Variants in FBXL7 observed in about 807,000 individuals in gnomAD.
FBXL7 encodes F-box and leucine rich repeat protein 7.
FBXL7 carries 12 observed loss-of-function variants against 38.3 expected under a neutral mutation model. The ratio of observed to expected loss-of-function variants is 0.31; its 90% CI spans 0.20 to 0.51. FBXL7 has a LOEUF of 0.51. Ranked by LOEUF, FBXL7 falls within the 20% of genes least tolerant of loss-of-function variation. The probability of loss-of-function intolerance (pLI) is 0.98; values close to 1 mark genes in which losing one functional copy is unlikely to be tolerated. For synonymous variants in FBXL7, 297 were observed against 300.9 expected, an observed-to-expected ratio of 0.99 and a Z score of 0.13; for missense variants, 567 against 676.4, an observed-to-expected ratio of 0.84 and a Z score of 1.79.
chr5:15,843,889 T>C (rs1046186891), intron 2 of FBXL7, among the ~76,000 whole-genome samples: 1 of 151,060 alleles, frequency 6.6e-6, no homozygotes, highest in Non-Finnish European at 1.5e-5. Flanking sequence ...CATATAAAGC[T>C]ATATATTTAG....
At chr5:15,841,812 C>T (rs1738753140) in intron 2 of FBXL7, among the ~76,000 whole-genome samples, 1 of 152,178 alleles carries the variant, frequency 6.6e-6, no homozygotes, top group Non-Finnish European at 1.5e-5. Flanking sequence ...GCCTTTGCAG[C>T]TTCCACATGG....
chr5:15,863,930 A>C (rs1739592221), intron 2 of FBXL7, among the ~76,000 whole-genome samples: 1 of 152,146 alleles, frequency 6.6e-6, no homozygotes, highest in South Asian at 2.1e-4. Context: ...ATTGTAAATC[A>C]ATTCTAGAGT....
chr5:15,798,047 G>A (rs1053386258), intron 2 of FBXL7, among the ~76,000 whole-genome samples: 8 of 152,270 alleles, frequency 5.3e-5, no homozygotes, highest in African/African-American at 1.9e-4. Flanking sequence ...AGAAAAATGT[G>A]AACGTGGAGA....
intron 2 of FBXL7, among the ~76,000 whole-genome samples, chr5:15,658,425 AG>A (rs1227204872): frequency 6.6e-6 from 1 of 152,248 alleles, no homozygotes; most frequent in East Asian, 1.9e-4. Context: ...TTGAATCGTG[AG>A]GGCAGTTTCC....
intron 2 of FBXL7, among the ~76,000 whole-genome samples, chr5:15,777,113 T>G (rs1206856403): frequency 1.3e-5 from 2 of 152,038 alleles, no homozygotes; most frequent in Non-Finnish European, 2.9e-5. Context: ...ATTAACAACC[T>G]AGGGAGAGAG....
intron 2 of FBXL7, among the ~76,000 whole-genome samples, chr5:15,672,069 C>T (rs1481607684): frequency 6.6e-6 from 1 of 152,118 alleles, no homozygotes; most frequent in Admixed American, 6.6e-5. Flanking sequence ...TAAAAGCAAC[C>T]TGAACTCATC....
chr5:15,582,890 C>T (rs1018157551), intron 1 of FBXL7, among the ~76,000 whole-genome samples: 2 of 150,828 alleles, frequency 1.3e-5, no homozygotes, highest in East Asian at 1.9e-4. Context: ...TTATCATCAT[C>T]GAGACAGAAT....
intron 1 of FBXL7, among the ~76,000 whole-genome samples, chr5:15,504,525 T>C (rs1282994949): frequency 2.0e-5 from 3 of 152,214 alleles, no homozygotes; most frequent in Admixed American, 6.5e-5. Flanking sequence ...CAAAGTGTTT[T>C]GTTTTCCTAA....
chr5:15,822,953 T>G (rs568302163), intron 2 of FBXL7, among the ~76,000 whole-genome samples: 7 of 152,248 alleles, frequency 4.6e-5, no homozygotes, highest in African/African-American at 1.7e-4. Context: ...AGTGTCCAGG[T>G]GATGCTTATG....
At chr5:15,894,143 A>C (rs1741021459) in intron 2 of FBXL7, among the ~76,000 whole-genome samples, 1 of 152,212 alleles carries the variant, frequency 6.6e-6, no homozygotes, top group South Asian at 2.1e-4. Flanking sequence ...GCATGGTGGC[A>C]CACCTGTTGT....
chr5:15,713,474 T>G (rs1350041178), intron 2 of FBXL7, among the ~76,000 whole-genome samples: 1 of 152,218 alleles, frequency 6.6e-6, no homozygotes, highest in Non-Finnish European at 1.5e-5. Flanking sequence ...TTACCTTTGT[T>G]GCTGTCTTCC....
intron 2 of FBXL7, among the ~76,000 whole-genome samples, chr5:15,770,054 A>G (rs548826289): frequency 5.9e-5 from 9 of 152,306 alleles, no homozygotes; most frequent in African/African-American, 1.7e-4. Flanking sequence ...TTATAATTTA[A>G]TGATCCATAT....
intron 2 of FBXL7, among the ~76,000 whole-genome samples, chr5:15,876,180 A>G (rs966994368): frequency 1.3e-5 from 2 of 152,232 alleles, no homozygotes; most frequent in African/African-American, 2.4e-5. Flanking sequence ...GTTCTCACTC[A>G]TAAGTGGGAG....
intron 2 of FBXL7, among the ~76,000 whole-genome samples, chr5:15,678,461 G>A (rs1278757869): frequency 6.6e-6 from 1 of 152,220 alleles, no homozygotes; most frequent in African/African-American, 2.4e-5. Context: ...ACATCTTCAA[G>A]ATGGTGTATG....
At chr5:15,594,450 G>A (rs542130747) in intron 1 of FBXL7, among the ~76,000 whole-genome samples, 1 of 152,294 alleles carries the variant, frequency 6.6e-6, no homozygotes, top group South Asian at 2.1e-4. Flanking sequence ...TATATTTTGC[G>A]TGAATGATGG....
chr5:15,619,316 TTG>T (rs1580411658), intron 2 of FBXL7, among the ~76,000 whole-genome samples: 1 of 152,088 alleles, frequency 6.6e-6, no homozygotes, highest in Non-Finnish European at 1.5e-5. Flanking sequence ...CATCAGGAGA[TTG>T]TCTCTCCCTG....
chr5:15,525,642 A>G (rs1737231143), intron 1 of FBXL7, among the ~76,000 whole-genome samples: 1 of 152,122 alleles, frequency 6.6e-6, no homozygotes, highest in Non-Finnish European at 1.5e-5. Context: ...ACACGTATAC[A>G]TATCCATACA....
chr5:15,565,333 A>G (rs1738536266), intron 1 of FBXL7, among the ~76,000 whole-genome samples: 1 of 152,130 alleles, frequency 6.6e-6, no homozygotes, highest in Admixed American at 6.6e-5. Flanking sequence ...ATCCTCATTC[A>G]GCCAAACTAA....
At chr5:15,913,704 G>C (rs888412498) in intron 2 of FBXL7, among the ~76,000 whole-genome samples, 2 of 152,202 alleles carry the variant, frequency 1.3e-5, no homozygotes, top group African/African-American at 4.8e-5. Flanking sequence ...AATTAAGGCA[G>C]CTACATAAAG....
Sources: allele counts gnomAD v4.1 joint callset (sites outside exome capture counted in the v4.1 genomes callset), GRCh38; gene constraint gnomAD v4.1.1; transcripts MANE v1.5; gene names NCBI Gene and HGNC (gene_info 2026-07-23, HGNC 2026-07-21).